ULK4: variants seen among roughly 807,000 people sequenced by gnomAD.
The protein encoded by ULK4 is unc-51 like kinase 4, also known as inactive serine/threonine-protein kinase ULK4.
A neutral mutation model predicts 160.6 loss-of-function variants in ULK4; 133 were observed. The ratio of observed to expected loss-of-function variants is 0.83; its 90% CI spans 0.72 to 0.96. The LOEUF (loss-of-function observed/expected upper bound fraction) is 0.96. Among genes scored for constraint, ULK4 ranks in the 40% least tolerant of loss-of-function variants. The probability of loss-of-function intolerance (pLI) is 0.00; values close to 1 mark genes in which losing one functional copy is unlikely to be tolerated. For missense variants in ULK4, 1,580 were observed against 1,499.5 expected, an observed-to-expected ratio of 1.05 and a Z score of -0.89; for synonymous variants, 534 against 539.8, an observed-to-expected ratio of 0.99 and a Z score of 0.15.
In ULK4 at chr3:41,755,351, C is replaced by T. The variant is rs566284904; in HGVS notation, c.2194-863G>A. ...TATGTTTCCAGGTAGGAAGAATTTA[C>T]ATAGTCATGTATATGCCATGTAAAT... On this transcript the variant is annotated intron_variant, in intron 21 of 36. Transcript: ENST00000301831. Among the ~76,000 whole-genome samples, 8 of 152,212 alleles carry T rather than the reference C, an allele frequency of 5.3e-5. No homozygotes were observed. In the East Asian group the frequency reaches 1.3e-3, roughly 26 times the overall value.
intron 32 of ULK4, among the ~76,000 whole-genome samples, chr3:41,515,783 T>G (rs930497802): frequency 3.9e-5 from 6 of 152,204 alleles, no homozygotes; most frequent in African/African-American, 1.4e-4. Flanking sequence ...ATGTGGGGAT[T>G]ATTACACTTC....
intron 17 of ULK4, among the ~76,000 whole-genome samples, chr3:41,856,549 GTGTATATATATACACATA>G (rs2042350278): frequency 1.7e-5 from 1 of 57,970 alleles, no homozygotes; most frequent in African/African-American, 9.1e-5. Flanking sequence ...ATATATATAT[GTGTATATATATACACATA>G]TATATATGTG....
chr3:41,531,986 C>T (rs2086336076), intron 32 of ULK4, among the ~76,000 whole-genome samples: 2 of 152,198 alleles, frequency 1.3e-5, no homozygotes, highest in East Asian at 3.9e-4. Flanking sequence ...TGGGAAGCTT[C>T]TAGGCACTCC....
Position 41,802,704 on chromosome 3 carries a change from T to C in ULK4, c.1849-2411A>G, listed in dbSNP as rs967258058. On this transcript the variant is annotated intron_variant, in intron 19 of 36. Transcript: ENST00000301831. ...AGTAGGAAGGCTAGAAGGAGAATAC[T>C]AGATTATTCTGGTGTAAGGTTCTTA... is the stretch of plus-strand genomic sequence containing the variant. Among the ~76,000 whole-genome samples, 4 of 152,318 alleles carry C rather than the reference T, an allele frequency of 2.6e-5. No individual in the cohort carries two copies. The East Asian group carries it at 7.7e-4, about 29-fold the overall frequency.
At chr3:41,625,752 C>T (rs549168652) in intron 30 of ULK4, among the ~76,000 whole-genome samples, 4 of 152,098 alleles carry the variant, frequency 2.6e-5, no homozygotes, top group South Asian at 2.1e-4. Flanking sequence ...ATCCTAAATC[C>T]GAAAAGAATG....
At chr3:41,353,069 G>A (rs987072426) in intron 35 of ULK4, among the ~76,000 whole-genome samples, 1 of 152,124 alleles carries the variant, frequency 6.6e-6, no homozygotes, top group Non-Finnish European at 1.5e-5. Context: ...CTTCCTTTCT[G>A]GACTTGGGAA....
At chr3:41,918,036 G>T (rs1003089348) in intron 7 of ULK4, among the ~76,000 whole-genome samples, 3 of 146,900 alleles carry the variant, frequency 2.0e-5, no homozygotes, top group Non-Finnish European at 4.5e-5. Context: ...AATAAATAAA[G>T]ATTTTTAAAA....
intron 32 of ULK4, among the ~76,000 whole-genome samples, chr3:41,492,087 T>C (rs1200578123): frequency 1.3e-5 from 2 of 151,514 alleles, no homozygotes; most frequent in Non-Finnish European, 2.9e-5. Context: ...CTGCATAGTA[T>C]TCCATGGTGT....
At chr3:41,280,019 A>T (rs767660072) in intron 35 of ULK4, among the ~76,000 whole-genome samples, 3 of 152,220 alleles carry the variant, frequency 2.0e-5, no homozygotes, top group Non-Finnish European at 2.9e-5. Context: ...CTAGTCTCTG[A>T]TAAAACAGAC....
chr3:41,659,163 G>A (rs2035053069), intron 30 of ULK4, among the ~76,000 whole-genome samples: 1 of 152,330 alleles, frequency 6.6e-6, no homozygotes, highest in Admixed American at 6.5e-5. Flanking sequence ...TGATAGAAAT[G>A]TAAATTGGTA....
chr3:41,816,481 T>A (rs1164730380), intron 19 of ULK4, among the ~76,000 whole-genome samples: 2 of 152,140 alleles, frequency 1.3e-5, no homozygotes, highest in Admixed American at 1.3e-4. Flanking sequence ...AAAAAGATGG[T>A]CATCCTCATT....
intron 32 of ULK4, among the ~76,000 whole-genome samples, chr3:41,553,866 A>G (rs1346358167): frequency 1.3e-5 from 2 of 152,148 alleles, no homozygotes; most frequent in Admixed American, 6.6e-5. Flanking sequence ...TAAACATACA[A>G]TTAAATTATT....
chr3:41,657,158 T>C (rs1334950536), intron 30 of ULK4, among the ~76,000 whole-genome samples: 1 of 152,110 alleles, frequency 6.6e-6, no homozygotes, highest in Non-Finnish European at 1.5e-5. Context: ...ATCCTGGTCA[T>C]GTACAATGCA....
At chr3:41,881,095 C>T (rs1039996002) in intron 17 of ULK4, among the ~76,000 whole-genome samples, 11 of 152,014 alleles carry the variant, frequency 7.2e-5, no homozygotes, top group African/African-American at 2.4e-4. Context: ...GTGAGTTTTA[C>T]AGAAAACTGG....
chr3:41,442,506 T>C (rs865873914), intron 34 of ULK4, among the ~76,000 whole-genome samples: 1 of 152,194 alleles, frequency 6.6e-6, no homozygotes, highest in Non-Finnish European at 1.5e-5. Context: ...AAAATGACCA[T>C]GCAAAGTTAA....
At chr3:41,488,664 C>T (rs1305010566) in intron 32 of ULK4, among the ~76,000 whole-genome samples, 2 of 152,204 alleles carry the variant, frequency 1.3e-5, no homozygotes, top group Non-Finnish European at 2.9e-5. Flanking sequence ...GGCTCCTATA[C>T]AGGGTTCAGT....
chr3:41,912,449 T>C (rs1050588258), intron 9 of ULK4, among the ~76,000 whole-genome samples: 2 of 152,100 alleles, frequency 1.3e-5, no homozygotes, highest in Admixed American at 6.5e-5. Context: ...ATAACACACA[T>C]TGCTTTTACT....
chr3:41,599,701 G>T (rs571313054), intron 31 of ULK4, among the ~76,000 whole-genome samples: 1 of 151,760 alleles, frequency 6.6e-6, no homozygotes, highest in South Asian at 2.1e-4. Flanking sequence ...AATAGCTGGG[G>T]TTACAGGCAC....
At chr3:41,366,572 C>CAT (rs2081258222) in intron 35 of ULK4, among the ~76,000 whole-genome samples, 1 of 151,868 alleles carries the variant, frequency 6.6e-6, no homozygotes, top group Non-Finnish European at 1.5e-5. Context: ...CACACACACA[C>CAT]ACTTTATCTA....
Sources: gnomAD v4.1 joint callset for allele counts (sites outside exome capture counted in the v4.1 genomes callset) on GRCh38, gnomAD v4.1.1 for gene constraint, MANE v1.5 for transcripts, NCBI Gene and HGNC (gene_info 2026-07-23, HGNC 2026-07-21) for gene names.